The following CEP112 variants were observed in gnomAD, a reference collection of about 807,000 sequenced individuals.
CEP112 encodes centrosomal protein of 112 kDa.
A neutral mutation model predicts 153.0 loss-of-function variants in CEP112; 127 were observed. The observed-to-expected ratio is 0.83, with a 90% confidence interval of 0.72 to 0.96. CEP112 has a LOEUF of 0.96. Ranked by LOEUF, CEP112 falls within the 40% of genes least tolerant of loss-of-function variation. The probability of loss-of-function intolerance (pLI) is 0.00; values close to 1 mark genes in which losing one functional copy is unlikely to be tolerated. For missense variants in CEP112, 1,089 were observed against 1,101.2 expected (o/e 0.99, Z 0.16); for synonymous variants, 358 against 374.4 (o/e 0.96, Z 0.51).
At chr17:66,016,044 C>G (rs1232135378) in intron 16 of CEP112, among the ~76,000 whole-genome samples, 4 of 152,194 alleles carry the variant, frequency 2.6e-5, no homozygotes, top group African/African-American at 4.8e-5. Flanking sequence ...CGTAAGTCTG[C>G]TATTGTACTT....
At chr17:66,097,844 A>T (rs1409033853) in intron 6 of CEP112, among the ~76,000 whole-genome samples, 2 of 152,218 alleles carry the variant, frequency 1.3e-5, no homozygotes, top group African/African-American at 4.8e-5. Flanking sequence ...TGAAAGTCTA[A>T]TTTCTTCATA....
chr17:65,895,487 T>C (rs1240900732), intron 20 of CEP112, among the ~76,000 whole-genome samples: 1 of 152,086 alleles, frequency 6.6e-6, no homozygotes, highest in Non-Finnish European at 1.5e-5. Context: ...CAACATTAAA[T>C]ATGGCAAATC....
intron 18 of CEP112, among the ~76,000 whole-genome samples, chr17:65,959,090 C>T (rs1019041568): frequency 4.0e-5 from 6 of 151,848 alleles, no homozygotes; most frequent in Non-Finnish European, 8.8e-5. Context: ...GCTGCAGAGA[C>T]ATCGGGACCA....
intron 21 of CEP112, among the ~76,000 whole-genome samples, chr17:65,775,456 C>T (rs531321103): frequency 3.3e-5 from 5 of 152,152 alleles, no homozygotes; most frequent in Admixed American, 6.5e-5. Context: ...AACATTTTCT[C>T]ATGTAATTAA....
At chr17:66,138,347 G>T (rs946248495) in intron 4 of CEP112, among the ~76,000 whole-genome samples, 4 of 152,156 alleles carry the variant, frequency 2.6e-5, no homozygotes, top group African/African-American at 9.7e-5. Context: ...TCAGTTCCTT[G>T]ATACTATCTG....
At chr17:65,789,844 G>A (rs567556089) in intron 21 of CEP112, among the ~76,000 whole-genome samples, 4 of 152,146 alleles carry the variant, frequency 2.6e-5, no homozygotes, top group Non-Finnish European at 5.9e-5. Flanking sequence ...GGGGGAATAT[G>A]TTGTACATGT....
intron 4 of CEP112, 113 bp downstream of exon 4, chr17:66,174,931 G>A (rs1484602511): frequency 1.6e-6 from 1 of 623,274 alleles, no homozygotes; most frequent in African/African-American, 1.9e-5. Context: ...GTGCAGTTAA[G>A]GGAAAAGTAA....
At chr17:66,098,560 A>T (rs1002854009) in intron 6 of CEP112, among the ~76,000 whole-genome samples, 1 of 152,240 alleles carries the variant, frequency 6.6e-6, no homozygotes, top group Non-Finnish European at 1.5e-5. Context: ...AACATTTATA[A>T]TAGAATCCAA....
intron 19 of CEP112, among the ~76,000 whole-genome samples, chr17:65,910,503 G>GT (rs2060245722): frequency 6.6e-6 from 1 of 152,136 alleles, no homozygotes; most frequent in African/African-American, 2.4e-5. Flanking sequence ...AAAAACAATT[G>GT]TAAGAGAACT....
intron 24 of CEP112, among the ~76,000 whole-genome samples, chr17:65,643,640 C>T (rs538154344): frequency 2.0e-5 from 3 of 152,194 alleles, no homozygotes; most frequent in East Asian, 3.9e-4. Flanking sequence ...CTATGTGGAG[C>T]GTTAGCAACA....
intron 23 of CEP112, among the ~76,000 whole-genome samples, chr17:65,710,909 C>A (rs1218816896): frequency 2.6e-5 from 4 of 152,200 alleles, no homozygotes; most frequent in African/African-American, 9.6e-5. Context: ...GAAAACTGGG[C>A]GCTTCTGTCT....
rs534977779 is a variant in CEP112, at chr17:66,039,550, G to T, written c.1219-9527C>A. On this transcript the variant is annotated intron_variant, in intron 12 of 26. Coordinates refer to ENST00000535342, the MANE Select transcript of CEP112 (RefSeq NM_001199165.4). ...CCAGCCTGGGCAACAGAGCAAGACT[G>T]CATAAGTCTTAAAGATAGAGTTTAT... Among the ~76,000 whole-genome samples, 6 of 152,232 alleles carry T rather than the reference G, an allele frequency of 3.9e-5. No individual in the cohort carries two copies. In the East Asian group the frequency reaches 1.2e-3, roughly 29 times the overall value.
In CEP112 at chr17:65,816,318, G is replaced by T. The variant is rs886385724; in HGVS notation, c.2394+35486C>A. Among the ~76,000 whole-genome samples the T allele has an allele frequency of 3.3e-5, 5 of 151,684 alleles. No homozygotes were observed. In the East Asian group the frequency reaches 9.6e-4, roughly 29 times the overall value. On this transcript the variant is annotated intron_variant, in intron 21 of 26. Transcript: ENST00000535342. The stretch of plus-strand genomic sequence containing the variant: ...TTTTTTATTCCCATAGGTTATTGGG[G>T]AACAGGTGGTGTTTGGTTACATGAA...
At chr17:66,059,264 C>T (rs970851874) in intron 11 of CEP112, among the ~76,000 whole-genome samples, 3 of 151,764 alleles carry the variant, frequency 2.0e-5, no homozygotes, top group African/African-American at 7.3e-5. Context: ...TGATTAAATC[C>T]CCAAAAGCAA....
Position 66,027,501 on chromosome 17 carries a change from C to CT in CEP112, c.1655dup (p.Ala553GlyfsTer3). 8.2e-6 allele frequency: 11 copies of CT among 1,342,528 alleles called. No individual in the cohort carries two copies. Among genetic ancestry groups the CT allele is most frequent in the East Asian group, 6.0e-5 (2 of 33,212 alleles). The allele number at this position is 1,342,528 out of a possible 1,614,324, so 83.2% of individuals were successfully genotyped here. A position where few individuals can be genotyped will look rare whatever the true frequency, so the allele number is the denominator to read the frequency against. Reference sequence around the variant, plus strand: ...TTATAGCTTCCATAAAACATATTACCTTTTTTTCATAGATGTGTTTTAAAT... The same window carrying CT: ...TTATAGCTTCCATAAAACATATTACCTTTTTTTTCATAGATGTGTTTTAAAT... On this transcript the variant is annotated frameshift_variant and splice_region_variant, in exon 16 of 27. Transcript: ENST00000535342. LOFTEE classifies it high-confidence loss of function.
intron 19 of CEP112, among the ~76,000 whole-genome samples, chr17:65,916,287 G>GTGTGTGTGTGTGTGTATGTGTGTGTA: frequency 6.8e-6 from 1 of 147,600 alleles, no homozygotes; most frequent in South Asian, 2.2e-4. Context: ...GTGTGTGTGT[G>GTGTGTGTGTGTGTGTATGTGTGTGTA]TGTGTATGTG....
intron 21 of CEP112, among the ~76,000 whole-genome samples, chr17:65,751,412 A>G (rs950939351): frequency 2.0e-5 from 3 of 152,116 alleles, no homozygotes; most frequent in Non-Finnish European, 1.5e-5. Flanking sequence ...TCTTTATTTC[A>G]TCGTCAAGGT....
At chr17:65,958,764 G>C (rs1964071877) in intron 18 of CEP112, among the ~76,000 whole-genome samples, 1 of 152,188 alleles carries the variant, frequency 6.6e-6, no homozygotes, top group African/African-American at 2.4e-5. Flanking sequence ...TGGGTCCCTA[G>C]TGAGGCCTCA....
Position 65,894,851 on chromosome 17 carries a change from G to A in CEP112, c.2163+7301C>T, listed in dbSNP as rs184381582. On this transcript the variant is annotated intron_variant, in intron 20 of 26. Transcript: ENST00000535342. ...AACTTGTTGGAAGAAACTATATTCC[G>A]AAGAAAATATTAAGGATTGCATATC... 6.4e-4 allele frequency among the ~76,000 whole-genome samples: 98 copies of A among 152,102 alleles called. 2 individuals are homozygous for A. Among genetic ancestry groups the A allele is most frequent in the South Asian group, 4.6e-3 (22 of 4,818 alleles).
Sources: allele counts gnomAD v4.1 joint callset (sites outside exome capture counted in the v4.1 genomes callset), GRCh38; gene constraint gnomAD v4.1.1; transcripts MANE v1.5; gene names NCBI Gene and HGNC (gene_info 2026-07-23, HGNC 2026-07-21).